RIMBP2: variants seen among roughly 807,000 people sequenced by gnomAD.
RIMBP2 encodes RIMS-binding protein 2.
A neutral mutation model predicts 118.6 loss-of-function variants in RIMBP2; 48 were observed. That is an observed-to-expected ratio of 0.40 (90% CI 0.32 to 0.51). The LOEUF is 0.51. Among genes scored for constraint, RIMBP2 ranks in the 20% least tolerant of loss-of-function variants. RIMBP2 has a pLI of 0.41. For synonymous variants in RIMBP2, 762 were observed against 742.9 expected (o/e 1.03, Z -0.42); for missense variants, 1,551 against 1,768.3 (o/e 0.88, Z 2.20).
At position 130,620,546 on chromosome 12, in the gene RIMBP2, C is replaced by A. The variant is rs1461494428; in HGVS notation, c.-217+7776G>T. 6.6e-6 allele frequency among the ~76,000 whole-genome samples: 1 copy of A among 152,196 alleles called. No homozygotes were observed. Among genetic ancestry groups the A allele is most frequent in the African/African-American group, 2.4e-5 (1 of 41,454 alleles). The stretch of plus-strand genomic sequence containing the variant: ...TGCACGGCCCCACAGTCCCAGGGGC[C>A]AGATGCCCAAGCTCGGGGTGTCGGC... On this transcript the variant is annotated intron_variant, in intron 2 of 22. Coordinates refer to ENST00000690449, the MANE Select transcript of RIMBP2 (RefSeq NM_001393629.1). This position sits in a 1 kb window ranked among gnomAD's most constrained non-coding sequence, Gnocchi z 5.3.
At chr12:130,451,926 T>TG (rs1283538262) in intron 7 of RIMBP2, among the ~76,000 whole-genome samples, 1 of 152,178 alleles carries the variant, frequency 6.6e-6, no homozygotes, top group Non-Finnish European at 1.5e-5. Context: ...GGGGTGGGTT[T>TG]GTGGCTAAAA....
chr12:130,641,607 C>T (rs1274559593), intron 1 of RIMBP2, among the ~76,000 whole-genome samples: 1 of 152,246 alleles, frequency 6.6e-6, no homozygotes, highest in Non-Finnish European at 1.5e-5. Flanking sequence ...GCCTCATGGG[C>T]AGAGAGCCCC....
intron 2 of RIMBP2, among the ~76,000 whole-genome samples, chr12:130,616,844 A>G (rs2060973619): frequency 6.6e-6 from 1 of 152,202 alleles, no homozygotes; most frequent in Admixed American, 6.5e-5. Context: ...AGGAGAAGTC[A>G]GAGGGTGACT....
chr12:130,630,781 T>C (rs1314471015), intron 1 of RIMBP2, among the ~76,000 whole-genome samples: 1 of 152,182 alleles, frequency 6.6e-6, no homozygotes, highest in Non-Finnish European at 1.5e-5. Flanking sequence ...GTCTTTAAAA[T>C]TCTGATTGAC....
At position 130,693,253 on chromosome 12, in the gene RIMBP2, AGAAT is replaced by A. The variant is rs796683931; in HGVS notation, c.-352+22965_-352+22968del. 5.3e-5 allele frequency among the ~76,000 whole-genome samples: 8 copies of A among 152,328 alleles called. No homozygotes were observed. The South Asian group carries it at 1.7e-3, about 32-fold the overall frequency. On this transcript the variant is annotated intron_variant, in intron 1 of 22. Coordinates refer to ENST00000690449, the MANE Select transcript of RIMBP2 (RefSeq NM_001393629.1). ...GTAATGATTCAATTGATTGAAAGAA[AGAAT>A]GAATGAATGAATGAAATGTGAAGAA...
At chr12:130,510,016 C>G (rs11608489) in intron 3 of RIMBP2, among the ~76,000 whole-genome samples, 7,186 of 152,256 alleles carry the variant, frequency 0.047, 210 homozygotes, top group South Asian at 0.16. Flanking sequence ...CATTTATTAT[C>G]CAGCTTTTTA....
At chr12:130,542,955 A>T (rs1216151570) in intron 2 of RIMBP2, among the ~76,000 whole-genome samples, 1 of 152,224 alleles carries the variant, frequency 6.6e-6, no homozygotes, top group Non-Finnish European at 1.5e-5. Flanking sequence ...TTGCTGGACA[A>T]ATCTGTGGGG....
intron 6 of RIMBP2, among the ~76,000 whole-genome samples, chr12:130,461,070 G>T (rs377006383): frequency 6.6e-6 from 1 of 152,240 alleles, no homozygotes; most frequent in South Asian, 2.1e-4. Flanking sequence ...CCATCCGCAC[G>T]ACCCAGCTAC....
chr12:130,643,132 C>T (rs952028529), intron 1 of RIMBP2, among the ~76,000 whole-genome samples: 6 of 152,240 alleles, frequency 3.9e-5, no homozygotes, highest in Non-Finnish European at 8.8e-5. Flanking sequence ...CACCTGCCAA[C>T]CTGTGCCAAC....
intron 4 of RIMBP2, among the ~76,000 whole-genome samples, chr12:130,481,234 C>T (rs1262011217): frequency 2.0e-5 from 3 of 152,074 alleles, no homozygotes; most frequent in African/African-American, 7.2e-5. Flanking sequence ...TTCTTCTTGC[C>T]AGTTTTCCAA....
At position 130,442,735 on chromosome 12, in the gene RIMBP2, T is replaced by TC; in HGVS notation, c.692-76dup. The stretch of plus-strand genomic sequence containing the variant: ...TCGAGGCCCCCAGTGTACTCCCACC[T>TC]CCCCCACCAGGACCATAAGGCAGAG... On this transcript the variant is annotated intron_variant, in intron 10 of 22. Coordinates refer to ENST00000690449, the MANE Select transcript of RIMBP2 (RefSeq NM_001393629.1). This position sits in a 1 kb window ranked among gnomAD's most constrained non-coding sequence, Gnocchi z 6.9. 4 of 1,249,270 alleles carry TC rather than the reference T, an allele frequency of 3.2e-6. No individual in the cohort carries two copies. Among genetic ancestry groups the TC allele is most frequent in the South Asian group, 1.4e-5 (1 of 69,726 alleles). The allele number at this position is 1,249,270 out of a possible 1,614,324, so 77.4% of individuals were successfully genotyped here.
rs2076608115 is a variant in RIMBP2 at position 130,424,194 on chromosome 12, C to T, written c.3077G>A (p.Arg1026Lys). Residue 1026 changes from arginine to lysine, a missense_variant, in exon 16 of 23, where the codon AGG becomes AAG. By Grantham distance (26) the Arg-to-Lys change is conservative. Around this residue, in one of 5 missense-constraint regions of RIMBP2, gnomAD observed 1,038 missense variants for 1,125.1 expected, o/e 0.92. Coordinates refer to ENST00000690449, the MANE Select transcript of RIMBP2 (RefSeq NM_001393629.1). This position sits in a 1 kb window ranked among gnomAD's most constrained non-coding sequence, Gnocchi z 9.8. ...WKKSITMPDS[R>K]AAAPHAKPPP... Reference sequence around the variant, plus strand: ...TGGCTTTGCGTGGGGGGCAGCTGCCCTACTGTCGGGCATGGTTATGCTTTT... The same window carrying T: ...TGGCTTTGCGTGGGGGGCAGCTGCCTTACTGTCGGGCATGGTTATGCTTTT... 8.1e-7 allele frequency: 1 copy of T among 1,232,050 alleles called. No individual in the cohort carries two copies. Among genetic ancestry groups the T allele is most frequent in the Non-Finnish European group, 1.0e-6 (1 of 987,972 alleles). 76.3% of individuals were successfully genotyped at this position (1,232,050 alleles called of 1,614,324 possible). A position where few individuals can be genotyped will look rare whatever the true frequency, so the allele number is the denominator to read the frequency against.
intron 1 of RIMBP2, among the ~76,000 whole-genome samples, chr12:130,656,511 G>A (rs1489714965): frequency 6.6e-6 from 1 of 152,110 alleles, no homozygotes; most frequent in African/African-American, 2.4e-5. Context: ...AGCTCTGGAG[G>A]CTGGAAGTCT....
At chr12:130,466,850 A>G (rs542378600) in intron 6 of RIMBP2, among the ~76,000 whole-genome samples, 1 of 152,338 alleles carries the variant, frequency 6.6e-6, no homozygotes, top group Non-Finnish European at 1.5e-5. Flanking sequence ...CTTCTGCCCT[A>G]TTATTTATGC....
At chr12:130,544,367 G>T (rs796761840) in intron 2 of RIMBP2, among the ~76,000 whole-genome samples, 1 of 152,164 alleles carries the variant, frequency 6.6e-6, no homozygotes, top group African/African-American at 2.4e-5. Context: ...TGGTCAGCTG[G>T]TCCAGGGTCC....
At chr12:130,695,118 T>A (rs913377367) in intron 1 of RIMBP2, among the ~76,000 whole-genome samples, 4 of 152,218 alleles carry the variant, frequency 2.6e-5, no homozygotes, top group Non-Finnish European at 5.9e-5. Flanking sequence ...TCATCTCCAC[T>A]TAGTTGTCTG....
intron 6 of RIMBP2, among the ~76,000 whole-genome samples, chr12:130,460,707 G>A (rs1177422838): frequency 6.6e-6 from 1 of 152,150 alleles, no homozygotes; most frequent in Non-Finnish European, 1.5e-5. Context: ...AGCAACAGCA[G>A]GGATATTGGT....
chr12:130,456,726 G>T lies in RIMBP2; in HGVS notation c.154-26C>A, dbSNP rs746431669. 5 of 1,562,656 alleles carry T rather than the reference G, an allele frequency of 3.2e-6. No individual in the cohort carries two copies. In the South Asian group the frequency reaches 3.5e-5, roughly 11 times the overall value. ...CTGCACGGCAGAAGCAGGACAGGGG[G>T]TCAGCGGTGGCATTTGGTGGTGGAA... On this transcript the variant is annotated intron_variant, in intron 6 of 22. Coordinates refer to ENST00000690449, the MANE Select transcript of RIMBP2 (RefSeq NM_001393629.1).
intron 1 of RIMBP2, among the ~76,000 whole-genome samples, chr12:130,712,042 G>A (rs1949955165): frequency 6.6e-6 from 1 of 152,210 alleles, no homozygotes; most frequent in African/African-American, 2.4e-5. Context: ...AAAAGATAAA[G>A]CATGGTGCAC....
Sources: gnomAD v4.1 joint callset for allele counts (sites outside exome capture counted in the v4.1 genomes callset) on GRCh38, gnomAD v4.1.1 for gene constraint, gnomAD v4.1.1 regional missense constraint, Gnocchi (gnomAD v3.1) non-coding constraint, MANE v1.5 for transcripts, NCBI Gene and HGNC (gene_info 2026-07-23, HGNC 2026-07-21) for gene names.